ATRNL1: variants seen among roughly 807,000 people sequenced by gnomAD.
The protein encoded by ATRNL1 is attractin-like protein 1.
Under a neutral mutation model 182.7 loss-of-function variants are expected in ATRNL1, and 95 were observed. That is an observed-to-expected ratio of 0.52 (90% confidence interval 0.44 to 0.62). ATRNL1 has a LOEUF of 0.62. Among genes scored for constraint, ATRNL1 ranks in the 20% least tolerant of loss-of-function variants. The pLI is 0.00. For synonymous variants in ATRNL1, 576 were observed against 568.3 expected, an observed-to-expected ratio of 1.01 and a Z score of -0.19; for missense variants, 1,471 against 1,679.5, an observed-to-expected ratio of 0.88 and a Z score of 2.17.
intron 19 of ATRNL1, among the ~76,000 whole-genome samples, chr10:115,393,414 A>G (rs2134276069): frequency 6.6e-6 from 1 of 152,264 alleles, no homozygotes; most frequent in African/African-American, 2.4e-5. Context: ...CTGGAAGAAA[A>G]ATAATGAAAA....
intron 21 of ATRNL1, among the ~76,000 whole-genome samples, chr10:115,430,245 G>A (rs1282342256): frequency 6.6e-6 from 1 of 151,946 alleles, no homozygotes; most frequent in African/African-American, 2.4e-5. Context: ...TTAATTGGTA[G>A]TTATTTTATT....
chr10:115,896,094 A>G (rs1277489083), intron 28 of ATRNL1, among the ~76,000 whole-genome samples: 3 of 152,222 alleles, frequency 2.0e-5, no homozygotes, highest in African/African-American at 4.8e-5. Context: ...TCATCAAACC[A>G]TGTTTGTAAA....
intron 5 of ATRNL1, among the ~76,000 whole-genome samples, chr10:115,149,961 G>A (rs772529955): frequency 4.6e-4 from 69 of 150,258 alleles, no homozygotes; most frequent in African/African-American, 1.5e-3. Context: ...CCGTGAAGCC[G>A]TCCTGTCCTG....
At chr10:115,248,882 T>C (rs1306112583) in intron 10 of ATRNL1, among the ~76,000 whole-genome samples, 6 of 152,322 alleles carry the variant, frequency 3.9e-5, no homozygotes, top group South Asian at 2.1e-4. Context: ...ATGGCTAATA[T>C]AGGTTTTTCT....
intron 26 of ATRNL1, among the ~76,000 whole-genome samples, chr10:115,721,315 C>T (rs953335151): frequency 3.8e-4 from 58 of 152,106 alleles, no homozygotes; most frequent in Admixed American, 1.1e-3. Context: ...TACTTTGATA[C>T]GCATAGTCAT....
intron 1 of ATRNL1, among the ~76,000 whole-genome samples, chr10:115,106,821 G>C (rs543274966): frequency 6.6e-6 from 1 of 152,222 alleles, no homozygotes; most frequent in South Asian, 2.1e-4. Flanking sequence ...TTTTGGGTGT[G>C]TCTTTATCAG....
chr10:115,253,179 A>G (rs1170795111), intron 10 of ATRNL1, among the ~76,000 whole-genome samples: 1 of 152,172 alleles, frequency 6.6e-6, no homozygotes, highest in East Asian at 1.9e-4. Flanking sequence ...AGGTAGGGGG[A>G]TGATGCAGAA....
At chr10:115,126,962 T>A (rs1845001194) in intron 3 of ATRNL1, among the ~76,000 whole-genome samples, 1 of 152,190 alleles carries the variant, frequency 6.6e-6, no homozygotes, top group African/African-American at 2.4e-5. Flanking sequence ...TTTTTGTTTG[T>A]GTGCTTATGG....
At chr10:115,837,446 A>G (rs2907552) in intron 27 of ATRNL1, among the ~76,000 whole-genome samples, 114,824 of 148,064 alleles carry the variant, frequency 0.78, 44,556 homozygotes, top group Admixed American at 0.83. Flanking sequence ...GACAGCTAGT[A>G]AGCAAAGAGG....
intron 26 of ATRNL1, among the ~76,000 whole-genome samples, chr10:115,569,174 A>G (rs1854239793): frequency 6.6e-6 from 1 of 152,188 alleles, no homozygotes; most frequent in African/African-American, 2.4e-5. Flanking sequence ...CTTGTCACTT[A>G]TCAATATAAC....
intron 28 of ATRNL1, among the ~76,000 whole-genome samples, chr10:115,859,152 A>C (rs1050731530): frequency 1.3e-5 from 2 of 150,212 alleles, no homozygotes. Context: ...CTCCCCAAAA[A>C]CCCCCCACCT....
intron 26 of ATRNL1, among the ~76,000 whole-genome samples, chr10:115,572,929 C>T (rs1555003895): frequency 2.6e-5 from 4 of 152,036 alleles, no homozygotes; most frequent in Non-Finnish European, 5.9e-5. Flanking sequence ...ATGCAGAGGC[C>T]AGGTGAGCGC....
chr10:115,111,298 T>G (rs1313970724), intron 1 of ATRNL1, among the ~76,000 whole-genome samples: 4 of 152,252 alleles, frequency 2.6e-5, no homozygotes, highest in African/African-American at 9.6e-5. Context: ...TTTGGAAATA[T>G]CCTTGTTAGA....
intron 5 of ATRNL1, among the ~76,000 whole-genome samples, chr10:115,140,054 C>G (rs1318189652): frequency 1.3e-5 from 2 of 152,182 alleles, no homozygotes; most frequent in Non-Finnish European, 2.9e-5. Context: ...GTTACTACCA[C>G]TGGCACCCTT....
chr10:115,869,949 A>G (rs1233572039), intron 28 of ATRNL1, among the ~76,000 whole-genome samples: 1 of 78,010 alleles, frequency 1.3e-5, no homozygotes, highest in Non-Finnish European at 2.5e-5. Context: ...TTGGGTATTT[A>G]TGTTGTTCCC....
intron 21 of ATRNL1, among the ~76,000 whole-genome samples, chr10:115,442,347 T>C (rs1554965940): frequency 1.4e-5 from 2 of 147,456 alleles, no homozygotes; most frequent in African/African-American, 5.0e-5. Context: ...TTTTTCACTG[T>C]AAACAATCAG....
chr10:115,702,003 G>C (rs1565300724), intron 26 of ATRNL1, among the ~76,000 whole-genome samples: 1 of 150,408 alleles, frequency 6.6e-6, no homozygotes, highest in Non-Finnish European at 1.5e-5. Flanking sequence ...AAAAAAGAAA[G>C]TTATGCAAAA....
intron 10 of ATRNL1, among the ~76,000 whole-genome samples, chr10:115,245,773 C>T (rs968129804): frequency 3.9e-5 from 6 of 152,110 alleles, no homozygotes; most frequent in African/African-American, 9.6e-5. Flanking sequence ...ATTAGTTCCT[C>T]TCTCTGTTTA....
intron 19 of ATRNL1, among the ~76,000 whole-genome samples, chr10:115,386,009 C>T (rs1484089714): frequency 6.6e-6 from 1 of 151,906 alleles, no homozygotes; most frequent in Non-Finnish European, 1.5e-5. Flanking sequence ...CTTCTGTCTT[C>T]GTCTTTTTTA....
Sources: gnomAD v4.1 joint callset for allele counts (sites outside exome capture counted in the v4.1 genomes callset) on GRCh38, gnomAD v4.1.1 for gene constraint, MANE v1.5 for transcripts, NCBI Gene and HGNC (gene_info 2026-07-23, HGNC 2026-07-21) for gene names.